Variants in COPS2 observed in about 807,000 individuals in gnomAD.
The protein encoded by COPS2 is COP9 signalosome subunit 2, also known as COP9 signalosome complex subunit 2.
Under a neutral mutation model 66.1 loss-of-function variants are expected in COPS2, and 10 were observed. The observed-to-expected ratio is 0.15, with a 90% CI of 0.09 to 0.26. The LOEUF is 0.26. Among genes scored for constraint, COPS2 ranks in the 10% least tolerant of loss-of-function variants. The pLI, the probability that COPS2 is intolerant of heterozygous loss-of-function variation, is 1.00. For missense variants in COPS2, 215 were observed against 513.3 expected (o/e 0.42, Z 5.62); for synonymous variants, 179 against 171.3 (o/e 1.04, Z -0.35).
At chr15:49,148,804 G>C (rs1312319203) in intron 1 of COPS2, among the ~76,000 whole-genome samples, 1 of 152,126 alleles carries the variant, frequency 6.6e-6, no homozygotes, top group Non-Finnish European at 1.5e-5. Flanking sequence ...GTTAAACAAT[G>C]TTAAGGATGT....
Position 49,123,548 on chromosome 15 carries a change from T to C in COPS2, c.*4402A>G, listed in dbSNP as rs547951937. On this transcript the variant is annotated 3_prime_UTR_variant, in exon 13 of 13. Transcript: ENST00000388901. The stretch of plus-strand genomic sequence containing the variant: ...ACTCCCACAAGTATGTTTCACTTAT[T>C]ACATATGTATACATATGCACACAAA... 3.2e-4 allele frequency: 49 copies of C among 152,364 alleles called. 1 individual carries two copies. The East Asian group carries it at 6.9e-3, about 22-fold the overall frequency. 9.4% of individuals were successfully genotyped at this position (152,364 alleles called of 1,614,324 possible).
At chr15:49,137,555 T>G (rs994910130) in intron 4 of COPS2, 118 bp from the exon 5 acceptor site, 4 of 731,096 alleles carry the variant, frequency 5.5e-6, no homozygotes, top group Non-Finnish European at 9.3e-6. Context: ...AGATACACTA[T>G]CTGTATCTTA....
At chr15:49,132,822 T>C (rs1268928377) in intron 9 of COPS2, among the ~76,000 whole-genome samples, 4 of 152,104 alleles carry the variant, frequency 2.6e-5, no homozygotes, top group Non-Finnish European at 5.9e-5. Flanking sequence ...TGTTTGGTCT[T>C]ATCTTCCATA....
chr15:49,155,496 C>T, intron 1 of COPS2, 29 bp downstream of exon 1: 1 of 1,612,024 alleles, frequency 6.2e-7, no homozygotes, highest in Non-Finnish European at 8.5e-7. Flanking sequence ...CACATCACCA[C>T]CCTCAGAGTT....
chr15:49,141,628 T>C (rs962239444), intron 3 of COPS2, among the ~76,000 whole-genome samples: 16 of 152,184 alleles, frequency 1.1e-4, no homozygotes, highest in Admixed American at 4.6e-4. Context: ...CCCAGAGAAG[T>C]TGATAGTGAA....
intron 2 of COPS2, 73 bp from the exon 3 acceptor site, chr15:49,144,377 G>T: frequency 1.2e-6 from 1 of 843,264 alleles, no homozygotes; most frequent in Non-Finnish European, 2.0e-6. Flanking sequence ...CAATGTGTAA[G>T]TATTGAATTA....
chr15:49,155,300 C>T (rs1199153408), intron 1 of COPS2, among the ~76,000 whole-genome samples: 1 of 152,228 alleles, frequency 6.6e-6, no homozygotes, highest in Non-Finnish European at 1.5e-5. Context: ...GAGGGCAAGG[C>T]CCGGGGCCCC....
chr15:49,152,729 A>C (rs2141135602), intron 1 of COPS2, among the ~76,000 whole-genome samples: 1 of 152,228 alleles, frequency 6.6e-6, no homozygotes, highest in East Asian at 1.9e-4. Context: ...AGGCTGAGGC[A>C]GGAGAATCGC....
rs1566882707 is a variant in COPS2 at position 49,134,406 on chromosome 15, G to C, written c.649C>G (p.Leu217Val). 6.2e-7 allele frequency: 1 copy of C among 1,613,638 alleles called. No homozygotes were observed. Among genetic ancestry groups the C allele is most frequent in the East Asian group, 2.2e-5 (1 of 44,870 alleles). The change falls in exon 7 of 13, where the codon CTC becomes GTC. Residue 217 changes from leucine (L) to valine (V), a missense_variant. Leu to Val is a conservative substitution (Grantham distance 32). Coordinates refer to ENST00000388901, the MANE Select transcript of COPS2 (RefSeq NM_004236.4). ...AQKNNKKLKALYEQSLHIKSA... is the reference protein window; with the variant it reads ...AQKNNKKLKAVYEQSLHIKSA... ...TTGATGTGAAGTGACTGTTCATAGA[G>C]TGCTTTAAGTTTTTTGTTATTTTTC...
chr15:49,130,625 A>G, intron 10 of COPS2, 94 bp downstream of exon 10: 1 of 677,922 alleles, frequency 1.5e-6, no homozygotes, highest in Non-Finnish European at 2.6e-6. Context: ...ATAGACAGAA[A>G]GAAAACAGCT....
At chr15:49,138,749 T>C (rs1178360831) in intron 4 of COPS2, among the ~76,000 whole-genome samples, 1 of 152,152 alleles carries the variant, frequency 6.6e-6, no homozygotes, top group Non-Finnish European at 1.5e-5. Flanking sequence ...TAAATGAGGC[T>C]GATTCTGATC....
At position 49,139,630 on chromosome 15, in the gene COPS2, A is replaced by G; in HGVS notation, c.270T>C (p.Asn90=). ...FKLTNFPEMM[N]RYKQLLTYIR... The stretch of plus-strand genomic sequence containing the variant: ...TATAGGTCAATAGCTGCTTATATCT[A>G]TTCATCATTTCTGGAAAGTTTGTCT... The change falls in exon 4 of 13, where the codon AAT becomes AAC. Residue 90 remains asparagine (N), a synonymous_variant. Coordinates refer to ENST00000388901, the MANE Select transcript of COPS2 (RefSeq NM_004236.4). The G allele has an allele frequency of 6.3e-7, 1 of 1,587,834 alleles. No individual in the cohort carries two copies. The highest frequency in any genetic ancestry group is 1.9e-5 in the Admixed American group (1 of 51,790).
chr15:49,133,559 A>AGT (rs2084230635), intron 9 of COPS2, among the ~76,000 whole-genome samples, 200 bp downstream of exon 9: 1 of 151,890 alleles, frequency 6.6e-6, no homozygotes, highest in Non-Finnish European at 1.5e-5. Flanking sequence ...TAGGAAAACT[A>AGT]AGTAGATACT....
In COPS2 at chr15:49,133,973, T is replaced by C; in HGVS notation, c.851A>G (p.Asn284Ser). ...TTCLKYLVLA[N>S]MLMKSGINPF... is the part of the protein sequence containing the mutation. ...ATTTATTCCCGATTTCATAAGCATA[T>C]TTGCTAAGACCAAATATTTTAAGCA... is the stretch of plus-strand genomic sequence containing the variant. Residue 284 changes from asparagine to serine, a missense_variant, in exon 8 of 13, where the codon AAT becomes AGT. Asn to Ser is a conservative substitution (Grantham distance 46). Transcript: ENST00000388901. The C allele has an allele frequency of 6.2e-7, 1 of 1,613,810 alleles. No individual in the cohort carries two copies. Among genetic ancestry groups the C allele is most frequent in the East Asian group, 2.2e-5 (1 of 44,852 alleles).
chr15:49,128,660 C>T (rs190639045), intron 12 of COPS2, 42 bp downstream of exon 12: 104 of 1,381,072 alleles, frequency 7.5e-5, no homozygotes, highest in African/African-American at 3.8e-4. Flanking sequence ...TCAAAACTTA[C>T]GGTACCAAAT....
At chr15:49,142,277 T>C (rs1399341994) in intron 3 of COPS2, among the ~76,000 whole-genome samples, 3 of 152,220 alleles carry the variant, frequency 2.0e-5, no homozygotes, top group Non-Finnish European at 4.4e-5. Flanking sequence ...ACATTTAACA[T>C]GTTTTGAATT....
intron 11 of COPS2, among the ~76,000 whole-genome samples, chr15:49,129,200 T>C (rs1017656281): frequency 6.6e-6 from 1 of 151,892 alleles, no homozygotes; most frequent in African/African-American, 2.4e-5. Context: ...GAGGCTGAGG[T>C]AGGAGGACTG....
intron 9 of COPS2, among the ~76,000 whole-genome samples, chr15:49,131,706 C>G (rs1457862233): frequency 1.3e-5 from 2 of 151,950 alleles, no homozygotes; most frequent in African/African-American, 4.8e-5. Flanking sequence ...CTTACCTACC[C>G]CAAATACACT....
chr15:49,145,399 T>A (rs1333850501), intron 1 of COPS2, among the ~76,000 whole-genome samples: 1 of 152,200 alleles, frequency 6.6e-6, no homozygotes, highest in East Asian at 1.9e-4. Context: ...ATTCTGTAGT[T>A]GCTAAGCTTT....
Sources: gnomAD v4.1 joint callset for allele counts (sites outside exome capture counted in the v4.1 genomes callset) on GRCh38, gnomAD v4.1.1 for gene constraint, MANE v1.5 for transcripts, NCBI Gene and HGNC (gene_info 2026-07-23, HGNC 2026-07-21) for gene names.